BIK: variants seen among roughly 807,000 people sequenced by gnomAD.
BIK encodes bcl-2-interacting killer.
In BIK, 14 loss-of-function variants were observed where a neutral mutation model predicts 12.1. The ratio of observed to expected loss-of-function variants is 1.16; its 90% confidence interval spans 0.77 to 1.81. The LOEUF is 1.81. Ranked by LOEUF, BIK falls within the 40% of genes most tolerant of loss-of-function variation. BIK has a pLI of 0.00. For missense variants in BIK, 215 were observed against 207.9 expected (o/e 1.03, Z -0.21); for synonymous variants, 86 against 92.3 (o/e 0.93, Z 0.39).
At chr22:43,112,551 G>T (rs1601726759) in intron 1 of BIK, among the ~76,000 whole-genome samples, 1 of 151,030 alleles carries the variant, frequency 6.6e-6, no homozygotes, top group Non-Finnish European at 1.5e-5. Flanking sequence ...GATTACAGAC[G>T]TGAGCCCCTA....
intron 4 of BIK, 147 bp downstream of exon 4, chr22:43,128,772 G>T: frequency 8.0e-7 from 1 of 1,243,764 alleles, no homozygotes; most frequent in East Asian, 2.4e-5. Context: ...ATGGGCTTTT[G>T]GGTTTGAGAT....
intron 1 of BIK, among the ~76,000 whole-genome samples, chr22:43,122,074 C>CTT (rs1234711767): frequency 1.3e-5 from 2 of 152,256 alleles, no homozygotes; most frequent in Non-Finnish European, 2.9e-5. Context: ...TGAGCACACA[C>CTT]TTGTGCCTAG....
chr22:43,111,681 G>C (rs1930014930), intron 1 of BIK, among the ~76,000 whole-genome samples: 1 of 152,202 alleles, frequency 6.6e-6, no homozygotes, highest in Non-Finnish European at 1.5e-5. Context: ...TGTTACTGTT[G>C]TAGCTCTTAC....
At chr22:43,127,869 C>CTGTGT in intron 3 of BIK, 74 bp downstream of exon 3, 1 of 1,388,534 alleles carries the variant, frequency 7.2e-7, no homozygotes, top group East Asian at 2.5e-5. Flanking sequence ...CTGAACACAG[C>CTGTGT]ACAGGGCTGG....
intron 1 of BIK, among the ~76,000 whole-genome samples, chr22:43,122,503 G>A (rs1376030233): frequency 6.6e-6 from 1 of 152,132 alleles, no homozygotes; most frequent in African/African-American, 2.4e-5. Flanking sequence ...GCCGGGCTTT[G>A]AACTAGGCCA....
intron 1 of BIK, among the ~76,000 whole-genome samples, chr22:43,113,874 A>C (rs937202980): frequency 1.3e-5 from 2 of 152,200 alleles, no homozygotes; most frequent in Non-Finnish European, 2.9e-5. Context: ...CGTATGGAGG[A>C]AGTCTCCGCA....
chr22:43,116,317 C>T (rs999972493), intron 1 of BIK, among the ~76,000 whole-genome samples: 1 of 152,210 alleles, frequency 6.6e-6, no homozygotes, highest in South Asian at 2.1e-4. Flanking sequence ...ACTCTGTCGC[C>T]CAGGCTGGAG....
In BIK at chr22:43,127,680, G is replaced by A. The variant is rs1309537176; in HGVS notation, c.162-17G>A. 1 of 1,545,992 alleles carries A rather than the reference G, an allele frequency of 6.5e-7. No individual in the cohort carries two copies. Among genetic ancestry groups the A allele is most frequent in the East Asian group, 2.4e-5 (1 of 40,936 alleles). On this transcript the variant is annotated splice_polypyrimidine_tract_variant and intron_variant, in intron 2 of 4. Coordinates refer to ENST00000216115, the MANE Select transcript of BIK (RefSeq NM_001197.5). ...CACGGCACAGCCACACCCGACTCCT[G>A]TGTGTGCTCCCTGCAGTGACGCATT... is the stretch of plus-strand genomic sequence containing the variant.
chr22:43,123,058 G>C (rs1930247734), intron 1 of BIK, among the ~76,000 whole-genome samples: 1 of 152,210 alleles, frequency 6.6e-6, no homozygotes, highest in African/African-American at 2.4e-5. Flanking sequence ...TATCAGCAAG[G>C]AGCCAGGTGG....
intron 1 of BIK, among the ~76,000 whole-genome samples, chr22:43,117,845 G>A (rs913641450): frequency 6.6e-6 from 1 of 151,046 alleles, no homozygotes; most frequent in African/African-American, 2.4e-5. Context: ...AATTTTTTTT[G>A]AAACGGGGTA....
chr22:43,117,584 A>G (rs1930140962), intron 1 of BIK, among the ~76,000 whole-genome samples: 1 of 150,928 alleles, frequency 6.6e-6, no homozygotes, highest in Admixed American at 6.6e-5. Flanking sequence ...GTTAGCCAGG[A>G]TGCTCTCCAT....
chr22:43,122,694 G>T (rs2147023020), intron 1 of BIK, among the ~76,000 whole-genome samples: 1 of 152,312 alleles, frequency 6.6e-6, no homozygotes, highest in Non-Finnish European at 1.5e-5. Context: ...AAGGCCTTTG[G>T]TGGCAAAGAA....
chr22:43,121,333 G>A (rs1209025145), intron 1 of BIK, among the ~76,000 whole-genome samples: 1 of 152,186 alleles, frequency 6.6e-6, no homozygotes, highest in African/African-American at 2.4e-5. Flanking sequence ...AGGGTGGGGA[G>A]CTTGAAAGGG....
intron 1 of BIK, among the ~76,000 whole-genome samples, chr22:43,117,879 TAGTC>T (rs1038885060): frequency 6.6e-6 from 1 of 151,668 alleles, no homozygotes; most frequent in Non-Finnish European, 1.5e-5. Flanking sequence ...ATTACCATGT[TAGTC>T]AGGCTGGTCT....
chr22:43,120,720 G>A (rs4988398), intron 1 of BIK, among the ~76,000 whole-genome samples: 24,343 of 152,124 alleles, frequency 0.16, 2,225 homozygotes, highest in African/African-American at 0.25. Context: ...CCCACCTTCC[G>A]CTCCCTGGCT....
At position 43,127,790 on chromosome 22, in the gene BIK, G is replaced by A; in HGVS notation, c.255G>A (p.Met85Ile). Residue 85 changes from methionine (M) to isoleucine (I), a missense_variant, in exon 3 of 5, where the codon ATG becomes ATA. Physicochemically the swap from Met to Ile is conservative, Grantham distance 10. Coordinates refer to ENST00000216115, the MANE Select transcript of BIK (RefSeq NM_001197.5). ...PRLAQLSEVA[M>I]HSLGLAFIYD... ...TGGCCCAGCTCTCCGAGGTGGCCAT[G>A]CACAGGTAGCCGGCCTATGCCCTAT... The A allele has an allele frequency of 1.9e-6, 3 of 1,550,142 alleles. No individual in the cohort carries two copies. The highest frequency in any genetic ancestry group is 2.6e-6 in the Non-Finnish European group (3 of 1,146,722).
rs1217456515 is a variant in BIK at position 43,110,776 on chromosome 22, C to G, written c.-35C>G. The G allele has an allele frequency of 6.6e-6, 1 of 152,180 alleles. No individual in the cohort carries two copies. 9.4% of individuals were successfully genotyped at this position (152,180 alleles called of 1,614,324 possible). On this transcript the variant is annotated 5_prime_UTR_variant, in exon 1 of 5. Coordinates refer to ENST00000216115, the MANE Select transcript of BIK (RefSeq NM_001197.5). ...GACACGAAGCCTCCCGGGTGGCTTA[C>G]AGACGCTGCCAGCATCGCCGCCGCC...
intron 1 of BIK, among the ~76,000 whole-genome samples, chr22:43,119,130 A>T (rs1305413297): frequency 6.6e-6 from 1 of 151,462 alleles, no homozygotes; most frequent in East Asian, 1.9e-4. Flanking sequence ...CTAGATTTGC[A>T]TCCTAACCTC....
chr22:43,125,533 C>T (rs928581104), intron 2 of BIK, among the ~76,000 whole-genome samples: 2 of 147,180 alleles, frequency 1.4e-5, no homozygotes, highest in African/African-American at 5.1e-5. Flanking sequence ...TGGTGAAACC[C>T]AACCTCTACT....
Sources: gnomAD v4.1 joint callset for allele counts (sites outside exome capture counted in the v4.1 genomes callset) on GRCh38, gnomAD v4.1.1 for gene constraint, MANE v1.5 for transcripts, NCBI Gene and HGNC (gene_info 2026-07-23, HGNC 2026-07-21) for gene names.